The following DDC variants were observed in gnomAD, a reference collection of about 807,000 sequenced individuals.
DDC encodes the protein aromatic-L-amino-acid decarboxylase.
A neutral mutation model predicts 60.0 loss-of-function variants in DDC; 43 were observed. The ratio of observed to expected loss-of-function variants is 0.72; its 90% confidence interval spans 0.56 to 0.92. The LOEUF is 0.92. DDC is among the 40% of genes least tolerant of loss of function. DDC has a pLI of 0.00. For synonymous variants in DDC, 232 were observed against 234.6 expected (o/e 0.99, Z 0.10); for missense variants, 573 against 620.2 (o/e 0.92, Z 0.81).
intron 10 of DDC, 41 bp downstream of exon 10, chr7:50,479,746 A>G (rs760243492): frequency 6.3e-7 from 1 of 1,580,010 alleles, no homozygotes; most frequent in South Asian, 1.1e-5. Flanking sequence ...TGAGGGGAAC[A>G]AGACCAGAAA....
At chr7:50,511,789 G>A (rs1013803363) in intron 6 of DDC, among the ~76,000 whole-genome samples, 1 of 151,920 alleles carries the variant, frequency 6.6e-6, no homozygotes, top group Non-Finnish European at 1.5e-5. Flanking sequence ...AGAAAAGATG[G>A]AATTCTATAA....
intron 4 of DDC, 121 bp downstream of exon 4, chr7:50,537,731 TTTTGTTTA>T: frequency 8.0e-7 from 1 of 1,243,870 alleles, no homozygotes; most frequent in Non-Finnish European, 1.2e-6. Context: ...AAGAGCTCGG[TTTTGTTTA>T]TTCTCCAGGA....
chr7:50,537,826 A>C (rs1303623261), intron 4 of DDC, 34 bp downstream of exon 4: 1 of 1,613,918 alleles, frequency 6.2e-7, no homozygotes, highest in Admixed American at 1.7e-5. Context: ...GAGCCCATGC[A>C]TCCCAAAAGT....
At chr7:50,539,830 G>A (rs1439905158) in intron 3 of DDC, 85 bp downstream of exon 3, 2 of 986,752 alleles carry the variant, frequency 2.0e-6, no homozygotes, top group Non-Finnish European at 3.2e-6. Context: ...CATCTGCTCA[G>A]GTCCCTTGTG....
At chr7:50,558,122 T>G (rs1430446288) in intron 1 of DDC, among the ~76,000 whole-genome samples, 1 of 151,630 alleles carries the variant, frequency 6.6e-6, no homozygotes, top group African/African-American at 2.4e-5. Flanking sequence ...CTCAATTCTT[T>G]CCCCCTTTCT....
intron 7 of DDC, among the ~76,000 whole-genome samples, chr7:50,499,884 C>T (rs552406760): frequency 3.9e-4 from 59 of 152,326 alleles, no homozygotes; most frequent in Admixed American, 1.8e-3. Flanking sequence ...GGGCTCAACT[C>T]CTGCTTCCAG....
intron 9 of DDC, among the ~76,000 whole-genome samples, chr7:50,484,055 G>T (rs2042829487): frequency 1.3e-5 from 2 of 152,134 alleles, no homozygotes; most frequent in Admixed American, 6.5e-5. Flanking sequence ...GAATATATGT[G>T]TTTATGGGCA....
intron 7 of DDC, among the ~76,000 whole-genome samples, chr7:50,500,345 G>A (rs73119290): frequency 0.01 from 1,558 of 152,214 alleles, 11 homozygotes; most frequent in Non-Finnish European, 0.017. Flanking sequence ...CATTACCACT[G>A]GAAGGCCCCA....
At chr7:50,508,005 T>C (rs766987183) in intron 6 of DDC, among the ~76,000 whole-genome samples, 1 of 152,258 alleles carries the variant, frequency 6.6e-6, no homozygotes, top group African/African-American at 2.4e-5. Flanking sequence ...TTAGCTCTTG[T>C]TGTCCTGCCA....
At chr7:50,510,844 G>A (rs4947589) in intron 6 of DDC, among the ~76,000 whole-genome samples, 45,109 of 150,902 alleles carry the variant, frequency 0.3, 7,106 homozygotes, top group Admixed American at 0.4. Flanking sequence ...AGCTGGGCGC[G>A]GTGGTGGGCG....
chr7:50,539,937 A>T lies in DDC; in HGVS notation c.293T>A (p.Ile98Asn). Residue 98 changes from isoleucine (I) to asparagine (N), a missense_variant, in exon 3 of 15, where the codon ATT (isoleucine) becomes AAT (asparagine). Coordinates refer to ENST00000444124, the MANE Select transcript of DDC (RefSeq NM_001082971.2). Reference sequence around the variant, plus strand: ...CACCCAGGAGAAGCCGATGCAGCCAATGGCCCCGCACAGCATGTCCGCAAG... The same window carrying T: ...CACCCAGGAGAAGCCGATGCAGCCATTGGCCCCGCACAGCATGTCCGCAAG... Reference protein sequence around the residue: ...AMLADMLCGAIGCIGFSWAAS... With the variant: ...AMLADMLCGANGCIGFSWAAS... 1 of 1,613,940 alleles carries T rather than the reference A, an allele frequency of 6.2e-7. No homozygotes were observed. The highest frequency in any genetic ancestry group is 8.5e-7 in the Non-Finnish European group (1 of 1,179,902).
intron 6 of DDC, among the ~76,000 whole-genome samples, chr7:50,522,838 G>A (rs565464100): frequency 1.1e-3 from 161 of 152,294 alleles, no homozygotes; most frequent in Admixed American, 1.6e-3. Context: ...GGCTGGGGGG[G>A]CCTCCGGAAA....
intron 6 of DDC, among the ~76,000 whole-genome samples, chr7:50,525,387 T>A (rs1037173115): frequency 6.6e-6 from 1 of 152,148 alleles, no homozygotes; most frequent in African/African-American, 2.4e-5. Context: ...GTTGGAACAA[T>A]TAGGGGAAAT....
At chr7:50,530,145 C>A (rs1322013504) in intron 4 of DDC, among the ~76,000 whole-genome samples, 1 of 152,092 alleles carries the variant, frequency 6.6e-6, no homozygotes, top group Non-Finnish European at 1.5e-5. Context: ...GTCCCAGCTA[C>A]TCGAGAGGCT....
intron 9 of DDC, among the ~76,000 whole-genome samples, chr7:50,484,406 C>A (rs1233482358): frequency 6.6e-6 from 1 of 152,066 alleles, no homozygotes; most frequent in African/African-American, 2.4e-5. Context: ...CAATTGATGT[C>A]TGTTTTGTAG....
chr7:50,495,465 G>A, intron 8 of DDC, 48 bp from the exon 9 acceptor site: 2 of 1,398,876 alleles, frequency 1.4e-6, no homozygotes, highest in Non-Finnish European at 2.0e-6. Context: ...CTTTATAAAT[G>A]TTTAATTATA....
chr7:50,547,507 G>A (rs761545209), intron 1 of DDC, among the ~76,000 whole-genome samples: 25 of 152,074 alleles, frequency 1.6e-4, no homozygotes, highest in African/African-American at 2.9e-4. Context: ...ATGAGCCACC[G>A]CACCTGCCCG....
At chr7:50,469,209 G>T (rs1458743161) in intron 12 of DDC, among the ~76,000 whole-genome samples, 1 of 147,476 alleles carries the variant, frequency 6.8e-6, no homozygotes, top group Non-Finnish European at 1.5e-5. Context: ...CTCCCAAAGT[G>T]CCGGGATTAC....
intron 8 of DDC, among the ~76,000 whole-genome samples, chr7:50,496,425 C>T (rs1458453376): frequency 3.9e-5 from 6 of 152,128 alleles, no homozygotes; most frequent in African/African-American, 1.4e-4. Context: ...GTATTCCTAA[C>T]AGCTACAGGC....
Sources: gnomAD v4.1 joint callset for allele counts (sites outside exome capture counted in the v4.1 genomes callset) on GRCh38, gnomAD v4.1.1 for gene constraint, MANE v1.5 for transcripts, NCBI Gene and HGNC (gene_info 2026-07-23, HGNC 2026-07-21) for gene names.